Variants in CACNA2D4 observed in about 807,000 individuals in gnomAD.
CACNA2D4 encodes the protein voltage-dependent calcium channel subunit alpha-2/delta-4.
Under a neutral mutation model 163.8 loss-of-function variants are expected in CACNA2D4, and 157 were observed. That is an observed-to-expected ratio of 0.96 (90% CI 0.84 to 1.09). The LOEUF is 1.09. CACNA2D4 is among the 50% of genes least tolerant of loss of function. The pLI is 0.00. For missense variants in CACNA2D4, 1,410 were observed against 1,479.9 expected (o/e 0.95, Z 0.78); for synonymous variants, 598 against 586.9 (o/e 1.02, Z -0.27).
In CACNA2D4 at chr12:1,877,249, G is replaced by A. The variant is rs1229345351; in HGVS notation, c.1719+1066C>T. On this transcript the variant is annotated intron_variant, in intron 16 of 37. Coordinates refer to ENST00000382722, the MANE Select transcript of CACNA2D4 (RefSeq NM_172364.5). ...TATATTCGTCTAGAGTACATAGATG[G>A]TAACAGGCAGTTTATGATCAGTACC... 2.0e-5 allele frequency among the ~76,000 whole-genome samples: 3 copies of A among 152,202 alleles called. No homozygotes were observed. The East Asian group carries it at 5.8e-4, about 29-fold the overall frequency.
rs2286371 is a variant in CACNA2D4, at chr12:1,858,510, G to A, written c.2008+67C>T. On this transcript the variant is annotated intron_variant, in intron 20 of 37. Transcript: ENST00000382722. ...ACTGGCTCTGGTTGGGGTTGGCCCT[G>A]CCCAGTGTCCCATGAGAGCCCATTA... The A allele has an allele frequency of 0.048, 69,232 of 1,443,638 alleles. 7,076 individuals carry two copies. Among genetic ancestry groups the A allele is most frequent in the East Asian group, 0.44 (18,867 of 42,622 alleles). The allele number at this position is 1,443,638 out of a possible 1,614,324, so 89.4% of individuals were successfully genotyped here. A position where few individuals can be genotyped will look rare whatever the true frequency, so the allele number is the denominator to read the frequency against.
chr12:1,795,244 A>AC, intron 37 of CACNA2D4, 55 bp downstream of exon 37: 2 of 1,523,138 alleles, frequency 1.3e-6, no homozygotes, highest in Non-Finnish European at 1.8e-6. Context: ...AGACCCAGGC[A>AC]CAGAGGGTTT....
intron 34 of CACNA2D4, 82 bp from the exon 35 acceptor site, chr12:1,797,617 G>A (rs1945081302): frequency 1.0e-6 from 1 of 1,000,668 alleles, no homozygotes; most frequent in Admixed American, 2.0e-5. Context: ...CAGGGCCAGA[G>A]TTCACCCCAG....
chr12:1,795,330 C>T lies in CACNA2D4; in HGVS notation c.3278G>A (p.Arg1093Gln). Reference protein sequence around the residue: ...DRMRSQKLRRRPDSCHAFHPE... With the variant: ...DRMRSQKLRRQPDSCHAFHPE... Reference sequence around the variant, plus strand: ...ATGGAAGGCGTGGCAGGAGTCTGGTCGCCGGCGGAGCTTCTGGGAGCGCAT... The same window carrying T: ...ATGGAAGGCGTGGCAGGAGTCTGGTTGCCGGCGGAGCTTCTGGGAGCGCAT... The change falls in exon 37 of 38, where the codon CGA (arginine) becomes CAA (glutamine). Residue 1093 changes from arginine to glutamine, a missense_variant. Physicochemically the swap from Arg to Gln is conservative, Grantham distance 43. Coordinates refer to ENST00000382722, the MANE Select transcript of CACNA2D4 (RefSeq NM_172364.5). 1 of 1,612,808 alleles carries T rather than the reference C, an allele frequency of 6.2e-7. No individual in the cohort carries two copies. Among genetic ancestry groups the T allele is most frequent in the Non-Finnish European group, 8.5e-7 (1 of 1,179,864 alleles).
rs746836322 is a variant in CACNA2D4 at position 1,913,068 on chromosome 12, T to C, written c.381A>G (p.Ser127=). ...VDGLELVRKF[S]EDMENMLRRK... ...TCCGCAGCATGTTCTCCATGTCCTC[T>C]GAGAACTTCCTCACCAGCTCCAAGC... is the stretch of plus-strand genomic sequence containing the variant. The change falls in exon 3 of 38, where the codon TCA becomes TCG. Residue 127 remains serine (S), a synonymous_variant. Transcript: ENST00000382722. 3 of 1,613,782 alleles carry C rather than the reference T, an allele frequency of 1.9e-6. No individual in the cohort carries two copies. Among genetic ancestry groups the C allele is most frequent in the Non-Finnish European group, 2.5e-6 (3 of 1,179,682 alleles).
chr12:1,891,517 A>G (rs1866280152), intron 6 of CACNA2D4, among the ~76,000 whole-genome samples: 1 of 152,196 alleles, frequency 6.6e-6, no homozygotes, highest in Admixed American at 6.5e-5. Context: ...GGACACAAGA[A>G]ATATGAAAAA....
At position 1,897,201 on chromosome 12, in the gene CACNA2D4, T is replaced by C. The variant is rs1321766386; in HGVS notation, c.782-10132A>G. ...GATCTCATGGGGGTAGAGAGTAGAATGACAGATACCAGAGTCTGGGAAATG... is the reference window on the plus strand; with the variant it reads ...GATCTCATGGGGGTAGAGAGTAGAACGACAGATACCAGAGTCTGGGAAATG... On this transcript the variant is annotated intron_variant, in intron 6 of 37. Transcript: ENST00000382722. Among the ~76,000 whole-genome samples, 3 of 152,098 alleles carry C rather than the reference T, an allele frequency of 2.0e-5. No homozygotes were observed. In the East Asian group the frequency reaches 5.8e-4, roughly 29 times the overall value.
In CACNA2D4 at chr12:1,878,206, T is replaced by C; in HGVS notation, c.1719+109A>G. On this transcript the variant is annotated intron_variant, in intron 16 of 37. Coordinates refer to ENST00000382722, the MANE Select transcript of CACNA2D4 (RefSeq NM_172364.5). The surrounding 1 kb of genome is among the most constrained non-coding windows in gnomAD (Gnocchi z 4.6). ...ACATTTTTTTTCTCATATTACCCACTGGGTTCCTAAATGGAGCCCAATGTG... is the reference window on the plus strand; with the variant it reads ...ACATTTTTTTTCTCATATTACCCACCGGGTTCCTAAATGGAGCCCAATGTG... 8.1e-7 allele frequency: 1 copy of C among 1,238,524 alleles called. No homozygotes were observed. Among genetic ancestry groups the C allele is most frequent in the East Asian group, 2.6e-5 (1 of 39,134 alleles). 76.7% of individuals were successfully genotyped at this position (1,238,524 alleles called of 1,614,324 possible).
At position 1,794,897 on chromosome 12, in the gene CACNA2D4, G is replaced by A. The variant is rs116006491; in HGVS notation, c.3309+402C>T. Among the ~76,000 whole-genome samples the A allele has an allele frequency of 9.5e-3, 1,438 of 152,166 alleles. 21 individuals carry two copies. The highest frequency in any genetic ancestry group is 0.033 in the African/African-American group (1,365 of 41,484). Reference sequence around the variant, plus strand: ...CCCAACCCTCTAATCCTAACTTGGTGTTTCCTGTGGCCAGCTCTCATCCTG... The same window carrying A: ...CCCAACCCTCTAATCCTAACTTGGTATTTCCTGTGGCCAGCTCTCATCCTG... On this transcript the variant is annotated intron_variant, in intron 37 of 37. Transcript: ENST00000382722.
At chr12:1,890,895 G>A (rs1279238148) in intron 6 of CACNA2D4, among the ~76,000 whole-genome samples, 1 of 152,198 alleles carries the variant, frequency 6.6e-6, no homozygotes, top group Non-Finnish European at 1.5e-5. Context: ...ACCATAGGTT[G>A]CACCCACCCT....
rs376597005 is a variant in CACNA2D4, at chr12:1,840,731, G to A, written c.2551+8C>T. The stretch of plus-strand genomic sequence containing the variant: ...TCCTGGCCTCAACACCACAAGGGCC[G>A]TTCCTACCTGCAGCAATGGCTGTCC... On this transcript the variant is annotated splice_region_variant and intron_variant, in intron 26 of 37. Transcript: ENST00000382722. 24 of 1,612,150 alleles carry A rather than the reference G, an allele frequency of 1.5e-5. No individual in the cohort carries two copies. The highest frequency in any genetic ancestry group is 1.6e-4 in the Middle Eastern group (1 of 6,080).
intron 6 of CACNA2D4, among the ~76,000 whole-genome samples, chr12:1,890,316 G>C (rs970125759): frequency 6.6e-6 from 1 of 152,136 alleles, no homozygotes; most frequent in African/African-American, 2.4e-5. Context: ...GTCCTGCCTG[G>C]GGGCCCAACA....
chr12:1,804,990 G>GA (rs1381512411), intron 29 of CACNA2D4, among the ~76,000 whole-genome samples: 1 of 152,234 alleles, frequency 6.6e-6, no homozygotes, highest in East Asian at 1.9e-4. Context: ...CCTGCAAAGC[G>GA]AAGGTCCAAA....
intron 5 of CACNA2D4, 70 bp from the exon 6 acceptor site, chr12:1,907,641 GGTGCCTGGTGGGC>G: frequency 7.0e-7 from 1 of 1,434,446 alleles, no homozygotes; most frequent in Non-Finnish European, 9.7e-7. Context: ...GCCCGGTGAG[GGTGCCTGGTGGGC>G]GTGTCTGGTG....
At chr12:1,858,914 T>C (rs1281764831) in intron 19 of CACNA2D4, among the ~76,000 whole-genome samples, 1 of 152,124 alleles carries the variant, frequency 6.6e-6, no homozygotes, top group Non-Finnish European at 1.5e-5. Context: ...CCCATTTTCA[T>C]CAAGGGACAC....
chr12:1,832,395 GAGTC>G (rs1421720558), intron 26 of CACNA2D4, among the ~76,000 whole-genome samples: 1 of 152,202 alleles, frequency 6.6e-6, no homozygotes, highest in Admixed American at 6.5e-5. Context: ...AGCACAAAGT[GAGTC>G]CTCAATAAAA....
chr12:1,831,181 A>C (rs1314477576), intron 26 of CACNA2D4: 3 of 1,613,764 alleles, frequency 1.9e-6, no homozygotes, highest in Non-Finnish European at 2.5e-6. Flanking sequence ...AACTTCCTGG[A>C]CCGGCTGCCC....
At position 1,801,600 on chromosome 12, in the gene CACNA2D4, C is replaced by A; in HGVS notation, c.2766G>T (p.Gln922His). ...GGCTGAACACCCCCATGCTGAGCAG[C>A]TGGGTCAGGACAGCACCATCCACCT... ...LGEVDGAVLT[Q>H]LLSMGVFSQV... is the part of the protein sequence containing the mutation. The change falls in exon 30 of 38, where the codon CAG becomes CAT. Residue 922 changes from glutamine to histidine, a missense_variant. Transcript: ENST00000382722. 1.3e-6 allele frequency: 2 copies of A among 1,591,826 alleles called. No individual in the cohort carries two copies. The highest frequency in any genetic ancestry group is 1.7e-6 in the Non-Finnish European group (2 of 1,169,132).
chr12:1,808,289 C>T (rs568597386), intron 29 of CACNA2D4, among the ~76,000 whole-genome samples: 14 of 152,356 alleles, frequency 9.2e-5, no homozygotes, highest in Middle Eastern at 3.4e-3. Flanking sequence ...GCCCGTAGGC[C>T]AAGCCTGGCT....
Sources: allele counts gnomAD v4.1 joint callset (sites outside exome capture counted in the v4.1 genomes callset), GRCh38; gene constraint gnomAD v4.1.1; non-coding constraint Gnocchi (gnomAD v3.1); transcripts MANE v1.5; gene names NCBI Gene and HGNC (gene_info 2026-07-23, HGNC 2026-07-21).